The following CHD1L variants were observed in gnomAD, a reference collection of about 807,000 sequenced individuals.
CHD1L encodes the protein chromodomain helicase DNA binding protein 1 like.
Under a neutral mutation model 115.9 loss-of-function variants are expected in CHD1L, and 118 were observed. The observed-to-expected ratio is 1.02, with a 90% CI of 0.88 to 1.19. The LOEUF is 1.19. CHD1L is among the 50% of genes most tolerant of loss of function. The pLI, the probability that CHD1L is intolerant of heterozygous loss-of-function variation, is 0.00. For synonymous variants in CHD1L, 411 were observed against 387.1 expected, an observed-to-expected ratio of 1.06 and a Z score of -0.72; for missense variants, 1,179 against 1,065.3, an observed-to-expected ratio of 1.11 and a Z score of -1.49.
At chr1:147,285,527 G>A (rs1553965020) in intron 17 of CHD1L, 40 bp downstream of exon 17, 1 of 1,589,136 alleles carries the variant, frequency 6.3e-7, no homozygotes, top group African/African-American at 1.4e-5. Flanking sequence ...ACAGTTGAAG[G>A]AGTCACTATT....
chr1:147,224,332 AG>A, the CHD1L span: 2 of 172,544 alleles, frequency 1.2e-5, no homozygotes, highest in Admixed American at 6.1e-5. Context: ...AGGTGAAAGA[AG>A]TTGCCACTAA....
rs375007972 is a variant in CHD1L, at chr1:147,292,843, C to T, written c.2392-765C>T. ...ATCCATGAGGGATCCACCCCATGATCCAATACCTCCCACTAGGCCCCACCT... is the reference window on the plus strand; with the variant it reads ...ATCCATGAGGGATCCACCCCATGATTCAATACCTCCCACTAGGCCCCACCT... On this transcript the variant is annotated intron_variant, in intron 20 of 22. Transcript: ENST00000369258. Among the ~76,000 whole-genome samples the T allele has an allele frequency of 5.9e-5, 9 of 152,328 alleles. No individual in the cohort carries two copies. In the South Asian group the frequency reaches 1.7e-3, roughly 28 times the overall value.
At chr1:147,244,510 G>A (rs1665955522) in intron 1 of CHD1L, among the ~76,000 whole-genome samples, 1 of 151,874 alleles carries the variant, frequency 6.6e-6, no homozygotes, top group Non-Finnish European at 1.5e-5. Context: ...GGTTACAGAA[G>A]TAGTACGTAT....
chr1:147,226,107 C>CTTT, the CHD1L span, among the ~76,000 whole-genome samples: 1,870 of 147,718 alleles, frequency 0.013, 25 homozygotes, highest in African/African-American at 0.025. Flanking sequence ...ATTTATCTTA[C>CTTT]TTTTTTTTTT....
At chr1:147,265,873 G>T (rs1192267516) in intron 7 of CHD1L, 59 bp from the exon 8 acceptor site, 4 of 1,496,940 alleles carry the variant, frequency 2.7e-6, no homozygotes, top group Admixed American at 2.1e-5. Context: ...GTTCTCTAGG[G>T]TTCATTGCCT....
chr1:147,212,983 T>C, the CHD1L span, among the ~76,000 whole-genome samples: 1 of 152,056 alleles, frequency 6.6e-6, no homozygotes. Flanking sequence ...AGAAACTCAA[T>C]ATTTGTGTTT....
At chr1:147,184,675 G>T in the CHD1L span, 2 of 1,453,084 alleles carry the variant, frequency 1.4e-6, no homozygotes, top group Non-Finnish European at 1.8e-6. This position sits in a 1 kb window ranked among gnomAD's most constrained non-coding sequence, Gnocchi z 4.4. Context: ...AGGTAAAGTG[G>T]CCTTCTCATC....
At chr1:147,225,095 G>T in the CHD1L span, 1 of 1,609,688 alleles carries the variant, frequency 6.2e-7, no homozygotes, top group Non-Finnish European at 8.5e-7. Flanking sequence ...AAGACAAAAA[G>T]CACACATCGG....
At chr1:147,198,037 G>T in the CHD1L span, among the ~76,000 whole-genome samples, 96 of 152,274 alleles carry the variant, frequency 6.3e-4, 1 homozygote, top group African/African-American at 2.2e-3. Context: ...CCTAAAGCAG[G>T]TTGTATCTGT....
At chr1:147,288,552 A>G (rs1684298378) in intron 19 of CHD1L, among the ~76,000 whole-genome samples, 1 of 151,892 alleles carries the variant, frequency 6.6e-6, no homozygotes, top group Admixed American at 6.6e-5. Context: ...ATGGTGGCAC[A>G]TGCCTGTAAT....
chr1:147,271,455 A>T (rs1676189137), intron 11 of CHD1L, among the ~76,000 whole-genome samples: 1 of 152,222 alleles, frequency 6.6e-6, no homozygotes, highest in Non-Finnish European at 1.5e-5. Flanking sequence ...GACAATAAAG[A>T]ATGTAGGTTA....
chr1:147,203,328 A>G, the CHD1L span: 2 of 1,584,324 alleles, frequency 1.3e-6, no homozygotes, highest in Middle Eastern at 1.7e-4. Context: ...GCTTGGGCCC[A>G]CCATCTGGTT....
chr1:147,183,753 TA>T, the CHD1L span, among the ~76,000 whole-genome samples: 4 of 152,240 alleles, frequency 2.6e-5, no homozygotes, highest in African/African-American at 7.2e-5. Context: ...AGAATGTGTA[TA>T]AAAGCATGGA....
In CHD1L at chr1:147,252,656, T is replaced by C. The variant is rs587755825; in HGVS notation, c.161T>C (p.Val54Ala). 1 of 1,614,030 alleles carries C rather than the reference T, an allele frequency of 6.2e-7. No homozygotes were observed. Among genetic ancestry groups the C allele is most frequent in the East Asian group, 2.2e-5 (1 of 44,874 alleles). Residue 54 changes from valine to alanine, a missense_variant, in exon 2 of 23, where the codon GTA becomes GCA. Transcript: ENST00000369258. ...IHLRSYQLEG[V>A]NWLAQRFHCQ... ...CTACGCTCTTACCAGCTGGAGGGAG[T>C]AAACTGGCTCGCCCAGCGCTTCCAT...
At chr1:147,279,916 C>A (rs1273760967) in intron 14 of CHD1L, 110 bp from the exon 15 acceptor site, 143 of 1,097,902 alleles carry the variant, frequency 1.3e-4, no homozygotes, top group Non-Finnish European at 1.7e-4. Flanking sequence ...GCTGCCTGTT[C>A]ATTAGAGAAG....
At chr1:147,276,572 G>T (rs1678564704) in intron 14 of CHD1L, among the ~76,000 whole-genome samples, 1 of 152,176 alleles carries the variant, frequency 6.6e-6, no homozygotes, top group African/African-American at 2.4e-5. Context: ...TTAAAATAAA[G>T]AACTCAATAA....
At chr1:147,289,423 G>C (rs909176577) in intron 19 of CHD1L, among the ~76,000 whole-genome samples, 3 of 152,216 alleles carry the variant, frequency 2.0e-5, no homozygotes, top group Non-Finnish European at 4.4e-5. Context: ...CATGGTATTA[G>C]ACACTGAAGT....
chr1:147,256,455 G>C lies in CHD1L; in HGVS notation c.463-76G>C, dbSNP rs1446921962. On this transcript the variant is annotated intron_variant, in intron 4 of 22. Transcript: ENST00000369258. ...TAGATAAATCCTATAGTTTAAGAGA[G>C]TTCACAGAAAACTAGCTTATCAATA... 24 of 1,304,662 alleles carry C rather than the reference G, an allele frequency of 1.8e-5. No individual in the cohort carries two copies. In the Admixed American group the frequency reaches 4.0e-4, roughly 22 times the overall value. 80.8% of individuals were successfully genotyped at this position (1,304,662 alleles called of 1,614,324 possible).
intron 1 of CHD1L, among the ~76,000 whole-genome samples, chr1:147,250,390 G>A (rs1044556051): frequency 6.6e-6 from 1 of 152,146 alleles, no homozygotes; most frequent in African/African-American, 2.4e-5. Flanking sequence ...CAGGGGAAGA[G>A]GGTCTGCTGC....
Sources: gnomAD v4.1 joint callset for allele counts (sites outside exome capture counted in the v4.1 genomes callset) on GRCh38, gnomAD v4.1.1 for gene constraint, Gnocchi (gnomAD v3.1) non-coding constraint, MANE v1.5 for transcripts, NCBI Gene and HGNC (gene_info 2026-07-23, HGNC 2026-07-21) for gene names.